PI4K2B: variants seen among roughly 807,000 people sequenced by gnomAD.
PI4K2B encodes phosphatidylinositol 4-kinase type 2-beta.
PI4K2B carries 46 observed loss-of-function variants against 56.6 expected under a neutral mutation model. That is an observed-to-expected ratio of 0.81 (90% confidence interval 0.64 to 1.04). The LOEUF is 1.04. Among genes scored for constraint, PI4K2B ranks in the 50% least tolerant of loss-of-function variants. PI4K2B has a pLI of 0.00. For synonymous variants in PI4K2B, 211 were observed against 223.8 expected (o/e 0.94, Z 0.51); for missense variants, 556 against 607.7 (o/e 0.91, Z 0.89).
chr4:25,254,649 A>G (rs1024227954), intron 2 of PI4K2B, among the ~76,000 whole-genome samples: 1 of 151,948 alleles, frequency 6.6e-6, no homozygotes. Flanking sequence ...TCCTGACCTC[A>G]TGATCCGCCC....
At chr4:25,263,921 A>C (rs1435421795) in intron 7 of PI4K2B, 72 bp downstream of exon 7, 1 of 673,146 alleles carries the variant, frequency 1.5e-6, no homozygotes, top group African/African-American at 1.8e-5. Context: ...AAAAATTTAC[A>C]GATACCATAG....
rs1043004215 is a variant in PI4K2B, at chr4:25,277,488, C to T, written c.*301C>T. 4 of 194,552 alleles carry T rather than the reference C, an allele frequency of 2.1e-5. No individual in the cohort carries two copies. The highest frequency in any genetic ancestry group is 4.2e-5 in the Non-Finnish European group (4 of 95,380). The allele number at this position is 194,552 out of a possible 1,614,324, so 12.1% of individuals were successfully genotyped here. ...GAATGACTGTAATTACTCTAGAATT[C>T]CAAGTAGAATACAATAACTTTTAAT... On this transcript the variant is annotated 3_prime_UTR_variant, in exon 10 of 10. Transcript: ENST00000264864.
rs547784557 is a variant in PI4K2B at position 25,254,026 on chromosome 4, C to T, written c.424-1039C>T. ...AGTGATCTGCTCACCTCCCAAAGTG[C>T]TGGGATTACAGGTGTGAGCCACAGC... On this transcript the variant is annotated intron_variant, in intron 2 of 9. Coordinates refer to ENST00000264864, the MANE Select transcript of PI4K2B (RefSeq NM_018323.4). 4.6e-5 allele frequency among the ~76,000 whole-genome samples: 7 copies of T among 152,302 alleles called. No homozygotes were observed. The South Asian group carries it at 1.5e-3, about 32-fold the overall frequency.
intron 4 of PI4K2B, 35 bp from the exon 5 acceptor site, chr4:25,258,996 TCTTGTA>T: frequency 5.7e-6 from 6 of 1,048,212 alleles, no homozygotes; most frequent in Non-Finnish European, 8.5e-6. Context: ...ATCCCCTTGT[TCTTGTA>T]CTTTCTTTTC....
At chr4:25,249,582 G>A (rs1311698398) in intron 1 of PI4K2B, among the ~76,000 whole-genome samples, 2 of 145,612 alleles carry the variant, frequency 1.4e-5, no homozygotes, top group African/African-American at 5.2e-5. Flanking sequence ...CTTCCCAGAT[G>A]GGGCGGCTGC....
Position 25,277,470 on chromosome 4 carries a change from T to C in PI4K2B, c.*283T>C. The C allele has an allele frequency of 4.6e-6, 1 of 218,482 alleles. No individual in the cohort carries two copies. Among genetic ancestry groups the C allele is most frequent in the Non-Finnish European group, 9.0e-6 (1 of 110,516 alleles). The allele number at this position is 218,482 out of a possible 1,614,324, so 13.5% of individuals were successfully genotyped here. On this transcript the variant is annotated 3_prime_UTR_variant, in exon 10 of 10. Transcript: ENST00000264864. ...GTAATTTTACACATGCTGGAATGAC[T>C]GTAATTACTCTAGAATTCCAAGTAG... is the stretch of plus-strand genomic sequence containing the variant.
chr4:25,247,854 C>A (rs1188663289), intron 1 of PI4K2B, among the ~76,000 whole-genome samples: 2 of 152,118 alleles, frequency 1.3e-5, no homozygotes, highest in Non-Finnish European at 2.9e-5. Flanking sequence ...CAGGTACATG[C>A]CACTATACCC....
rs1437233858 is a variant in PI4K2B at position 25,234,042 on chromosome 4, C to T, written c.-122C>T. On this transcript the variant is annotated 5_prime_UTR_variant, in exon 1 of 10. Coordinates refer to ENST00000264864, the MANE Select transcript of PI4K2B (RefSeq NM_018323.4). ...CCGCTGGGCGGGCGCCAAGCGTGCC[C>T]GTGCGCTGGTGAGGTGGCGTCCGTT... The T allele has an allele frequency of 1.0e-5, 9 of 868,996 alleles. No individual in the cohort carries two copies. The highest frequency in any genetic ancestry group is 1.4e-5 in the Non-Finnish European group (9 of 657,332). 53.8% of individuals were successfully genotyped at this position (868,996 alleles called of 1,614,324 possible). A position where few individuals can be genotyped will look rare whatever the true frequency, so the allele number is the denominator to read the frequency against.
chr4:25,268,051 A>G (rs1025677179), intron 7 of PI4K2B, among the ~76,000 whole-genome samples: 5 of 152,128 alleles, frequency 3.3e-5, no homozygotes, highest in African/African-American at 1.2e-4. Flanking sequence ...TTGCCACTGC[A>G]CTCCAGCCTG....
At chr4:25,240,694 T>A (rs1433772575) in intron 1 of PI4K2B, among the ~76,000 whole-genome samples, 1 of 152,202 alleles carries the variant, frequency 6.6e-6, no homozygotes, top group Non-Finnish European at 1.5e-5. Context: ...TACCCTGGCT[T>A]TTAAAGGAAT....
intron 1 of PI4K2B, among the ~76,000 whole-genome samples, chr4:25,235,412 TGGTAC>T (rs772273537): frequency 1.3e-5 from 2 of 152,260 alleles, no homozygotes; most frequent in Admixed American, 6.5e-5. Flanking sequence ...GTACTGTTAG[TGGTAC>T]ACTAATGTGT....
chr4:25,234,694 A>C (rs1715173206), intron 1 of PI4K2B, among the ~76,000 whole-genome samples: 1 of 152,256 alleles, frequency 6.6e-6, no homozygotes, highest in African/African-American at 2.4e-5. Context: ...AAAGTGAGTC[A>C]AAACTTCTAG....
At chr4:25,235,302 C>T (rs1019010539) in intron 1 of PI4K2B, among the ~76,000 whole-genome samples, 1 of 152,156 alleles carries the variant, frequency 6.6e-6, no homozygotes, top group African/African-American at 2.4e-5. Context: ...GTTGTGCACC[C>T]GGTTGGTTTA....
At chr4:25,271,238 A>G (rs1262821143) in intron 9 of PI4K2B, among the ~76,000 whole-genome samples, 2 of 152,234 alleles carry the variant, frequency 1.3e-5, no homozygotes, top group Non-Finnish European at 2.9e-5. Flanking sequence ...TGTAGATTCC[A>G]CAAGGAAAGG....
intron 4 of PI4K2B, among the ~76,000 whole-genome samples, chr4:25,258,247 G>A (rs1028756288): frequency 7.8e-6 from 1 of 128,062 alleles, no homozygotes; most frequent in Non-Finnish European, 1.6e-5. Context: ...TCGCTGTGTC[G>A]CCTAGGTTGG....
At chr4:25,273,990 T>G (rs28687138) in intron 9 of PI4K2B, among the ~76,000 whole-genome samples, 21 of 152,116 alleles carry the variant, frequency 1.4e-4, no homozygotes, top group Non-Finnish European at 2.8e-4. Context: ...TGCCTTGCCC[T>G]CTGTATCTAG....
chr4:25,251,660 T>A (rs114395235), intron 1 of PI4K2B, among the ~76,000 whole-genome samples: 216 of 152,098 alleles, frequency 1.4e-3, no homozygotes, highest in African/African-American at 4.8e-3. Context: ...TGTGGTGAGG[T>A]TGCAGTTACT....
intron 6 of PI4K2B, 146 bp from the exon 7 acceptor site, chr4:25,263,604 A>C (rs1383427883): frequency 2.3e-6 from 1 of 443,200 alleles, no homozygotes; most frequent in South Asian, 5.4e-5. Flanking sequence ...TTCCTGTGTG[A>C]ATTTGTACTT....
chr4:25,252,038 TG>T (rs1560371819), intron 1 of PI4K2B, among the ~76,000 whole-genome samples: 1 of 152,174 alleles, frequency 6.6e-6, no homozygotes, highest in African/African-American at 2.4e-5. Flanking sequence ...TTGGCCAGGC[TG>T]GTCTTGAACT....
Sources: allele counts gnomAD v4.1 joint callset (sites outside exome capture counted in the v4.1 genomes callset), GRCh38; gene constraint gnomAD v4.1.1; transcripts MANE v1.5; gene names NCBI Gene and HGNC (gene_info 2026-07-23, HGNC 2026-07-21).